The following BCL2 variants were observed in gnomAD, a reference collection of about 807,000 sequenced individuals.
BCL2 encodes apoptosis regulator Bcl-2.
Under a neutral mutation model 14.2 loss-of-function variants are expected in BCL2, and 1 was observed. The ratio of observed to expected loss-of-function variants is 0.07; its 90% CI spans 0.02 to 0.33. The LOEUF (loss-of-function observed/expected upper bound fraction) is 0.33, where lower values mean the gene tolerates loss of function less well. Ranked by LOEUF, BCL2 falls within the 10% of genes least tolerant of loss-of-function variation. The pLI is 0.99. For synonymous variants in BCL2, 151 were observed against 137.2 expected (o/e 1.10, Z -0.70); for missense variants, 247 against 305.9 (o/e 0.81, Z 1.44).
Position 63,191,214 on chromosome 18 carries a change from A to G in BCL2, c.586-62455T>C, listed in dbSNP as rs538635037. On this transcript the variant is annotated intron_variant, in intron 2 of 2. Transcript: ENST00000333681. ...ATGATTTATATTCCTTTGGGTATATACCCAGTAATGGGATTGATGGCTCAA... is the reference window on the plus strand; with the variant it reads ...ATGATTTATATTCCTTTGGGTATATGCCCAGTAATGGGATTGATGGCTCAA... Among the ~76,000 whole-genome samples the G allele has an allele frequency of 2.0e-5, 3 of 152,344 alleles. 1 individual carries two copies. Among genetic ancestry groups the G allele is most frequent in the African/African-American group, 7.2e-5 (3 of 41,580 alleles).
At chr18:63,290,887 C>T (rs529322952) in intron 2 of BCL2, among the ~76,000 whole-genome samples, 6 of 152,218 alleles carry the variant, frequency 3.9e-5, no homozygotes, top group Non-Finnish European at 8.8e-5. Flanking sequence ...CTCCCACCCT[C>T]ATCCCACTCG....
intron 2 of BCL2, among the ~76,000 whole-genome samples, chr18:63,255,683 T>C (rs542467282): frequency 6.6e-6 from 1 of 152,078 alleles, no homozygotes; most frequent in Non-Finnish European, 1.5e-5. Context: ...GAATTTCCCC[T>C]GTGCAAAAAA....
intron 2 of BCL2, among the ~76,000 whole-genome samples, chr18:63,184,364 T>C (rs968525176): frequency 6.6e-6 from 1 of 152,230 alleles, no homozygotes; most frequent in Non-Finnish European, 1.5e-5. Context: ...AATATTAATC[T>C]GAAATATTCT....
intron 2 of BCL2, among the ~76,000 whole-genome samples, chr18:63,254,058 C>T (rs546524422): frequency 1.3e-5 from 2 of 152,086 alleles, no homozygotes; most frequent in African/African-American, 4.8e-5. Flanking sequence ...TTTCTTTGGT[C>T]TCTACTTTCA....
intron 2 of BCL2, among the ~76,000 whole-genome samples, chr18:63,266,119 T>C (rs1314417846): frequency 3.3e-5 from 5 of 152,118 alleles, no homozygotes; most frequent in African/African-American, 1.2e-4. Flanking sequence ...TGTAGGAAGC[T>C]AATCTCTGCG....
Position 63,128,303 on chromosome 18 carries a change from C to T in BCL2, c.*322G>A, listed in dbSNP as rs1162217425. 5 of 257,962 alleles carry T rather than the reference C, an allele frequency of 1.9e-5. No homozygotes were observed. The highest frequency in any genetic ancestry group is 5.6e-5 in the East Asian group (1 of 17,704). The allele number at this position is 257,962 out of a possible 1,614,324, so 16.0% of individuals were successfully genotyped here. Reference sequence around the variant, plus strand: ...AACATCCAGGTGGAGCCACACGAAGCGGTGCTTGGCAATTAGTGGTCGGAT... The same window carrying T: ...AACATCCAGGTGGAGCCACACGAAGTGGTGCTTGGCAATTAGTGGTCGGAT... On this transcript the variant is annotated 3_prime_UTR_variant, in exon 3 of 3. Coordinates refer to ENST00000333681, the MANE Select transcript of BCL2 (RefSeq NM_000633.3).
chr18:63,196,858 G>C (rs1304297563), intron 2 of BCL2, among the ~76,000 whole-genome samples: 1 of 152,168 alleles, frequency 6.6e-6, no homozygotes, highest in Non-Finnish European at 1.5e-5. Context: ...GTTTTTCTCA[G>C]CTTGGATTTC....
intron 2 of BCL2, among the ~76,000 whole-genome samples, chr18:63,142,695 G>A (rs1329443996): frequency 2.0e-5 from 3 of 152,226 alleles, no homozygotes. Context: ...CGATCAGGAA[G>A]AGAAGAACAA....
intron 2 of BCL2, among the ~76,000 whole-genome samples, chr18:63,185,925 T>C (rs972338453): frequency 3.3e-5 from 5 of 152,210 alleles, no homozygotes; most frequent in African/African-American, 4.8e-5. Context: ...TTGAAGAATA[T>C]TTATGAACAG....
intron 2 of BCL2, among the ~76,000 whole-genome samples, chr18:63,152,926 C>T (rs889231582): frequency 2.0e-5 from 3 of 152,222 alleles, no homozygotes; most frequent in Admixed American, 2.0e-4. Flanking sequence ...TTTCTGACGG[C>T]GTCCAACTTG....
At chr18:63,193,585 T>C (rs1196735566) in intron 2 of BCL2, among the ~76,000 whole-genome samples, 1 of 115,002 alleles carries the variant, frequency 8.7e-6, no homozygotes, top group Non-Finnish European at 1.8e-5. Flanking sequence ...AGTATGTATG[T>C]GTGTGTGTGT....
intron 2 of BCL2, among the ~76,000 whole-genome samples, chr18:63,273,566 T>C (rs1912062601): frequency 6.6e-6 from 1 of 152,212 alleles, no homozygotes; most frequent in Non-Finnish European, 1.5e-5. Context: ...TGTCCTTCGA[T>C]TGCTAGGTCG....
At chr18:63,255,818 C>T (rs1911456489) in intron 2 of BCL2, among the ~76,000 whole-genome samples, 1 of 151,504 alleles carries the variant, frequency 6.6e-6, no homozygotes, top group African/African-American at 2.4e-5. Context: ...CTGTGGTTGG[C>T]TGCAGCCCTC....
At chr18:63,142,039 C>G (rs1442688456) in intron 2 of BCL2, among the ~76,000 whole-genome samples, 1 of 152,220 alleles carries the variant, frequency 6.6e-6, no homozygotes, top group Non-Finnish European at 1.5e-5. Context: ...CAGGACATCG[C>G]TGCTGGGGGC....
intron 2 of BCL2, among the ~76,000 whole-genome samples, chr18:63,155,541 CGCGGTA>C (rs1568217957): frequency 4.1e-5 from 6 of 146,572 alleles, no homozygotes; most frequent in African/African-American, 1.6e-4. Context: ...GCAGGGTGGG[CGCGGTA>C]AAGAGACTGC....
At chr18:63,169,313 TTC>T (rs1568222492) in intron 2 of BCL2, among the ~76,000 whole-genome samples, 9 of 85,708 alleles carry the variant, frequency 1.1e-4, no homozygotes, top group South Asian at 4.6e-4. Context: ...TCTTTCTTCC[TTC>T]CTTCCTTCTT....
At chr18:63,211,575 A>G (rs1910004764) in intron 2 of BCL2, among the ~76,000 whole-genome samples, 1 of 152,220 alleles carries the variant, frequency 6.6e-6, no homozygotes, top group Non-Finnish European at 1.5e-5. Flanking sequence ...TCATTTTGGT[A>G]ACTCAACACT....
At chr18:63,213,526 C>CCACACA (rs57343137) in intron 2 of BCL2, among the ~76,000 whole-genome samples, 8,002 of 147,560 alleles carry the variant, frequency 0.054, 293 homozygotes, top group East Asian at 0.11. Context: ...ACACATTAAA[C>CCACACA]CACACACACA....
chr18:63,256,647 A>C (rs1313326083), intron 2 of BCL2, among the ~76,000 whole-genome samples: 1 of 152,194 alleles, frequency 6.6e-6, no homozygotes, highest in African/African-American at 2.4e-5. Flanking sequence ...AGAATTTGTG[A>C]GCTAGCTCAG....
Sources: allele counts gnomAD v4.1 joint callset (sites outside exome capture counted in the v4.1 genomes callset), GRCh38; gene constraint gnomAD v4.1.1; transcripts MANE v1.5; gene names NCBI Gene and HGNC (gene_info 2026-07-23, HGNC 2026-07-21).